The following C16orf96 variants were observed in gnomAD, a reference collection of about 807,000 sequenced individuals.
The protein encoded by C16orf96 is chromosome 16 open reading frame 96.
A neutral mutation model predicts 103.6 loss-of-function variants in C16orf96; 108 were observed. That is an observed-to-expected ratio of 1.04 (90% confidence interval 0.89 to 1.22). The LOEUF (loss-of-function observed/expected upper bound fraction) is 1.22. Ranked by LOEUF, C16orf96 falls within the 50% of genes most tolerant of loss-of-function variation. C16orf96 has a pLI of 0.00. For synonymous variants in C16orf96, 566 were observed against 593.5 expected, an observed-to-expected ratio of 0.95 and a Z score of 0.67; for missense variants, 1,586 against 1,464.2, an observed-to-expected ratio of 1.08 and a Z score of -1.36.
chr16:4,581,141 CATATATATATATATAT>C (rs58065868), intron 7 of C16orf96, among the ~76,000 whole-genome samples: 4,283 of 46,756 alleles, frequency 0.092, 419 homozygotes, highest in African/African-American at 0.23. Flanking sequence ...TATATGTATA[CATATATATATATATAT>C]ATATATATAT....
intron 3 of C16orf96, 82 bp downstream of exon 3, chr16:4,574,871 G>A: frequency 2.0e-6 from 3 of 1,523,326 alleles, no homozygotes; most frequent in Non-Finnish European, 1.8e-6. Context: ...GGGTAGGGAG[G>A]TGCAAGGAGG....
At chr16:4,542,226 G>A in the C16orf96 span, among the ~76,000 whole-genome samples, 68 of 152,290 alleles carry the variant, frequency 4.5e-4, no homozygotes, top group African/African-American at 1.4e-3. Flanking sequence ...TTAGCCAGCT[G>A]TGGTGGCTCA....
chr16:4,544,037 G>T, the C16orf96 span, among the ~76,000 whole-genome samples: 3 of 152,162 alleles, frequency 2.0e-5, no homozygotes, highest in African/African-American at 2.4e-5. Context: ...CTCTAGGATG[G>T]ATCCAGAGGA....
Position 4,574,739 on chromosome 16 carries a change from G to A in C16orf96, c.556G>A (p.Glu186Lys). ...VHPERMDIFA[E>K]DFKIQNWKMV... ...CCCAGAAAGAATGGACATCTTTGCT[G>A]AAGACTTCAAAATACAGAACTGGAA... is the stretch of plus-strand genomic sequence containing the variant. Residue 186 changes from glutamate to lysine, a missense_variant, in exon 3 of 16, where the codon GAA becomes AAA. Transcript: ENST00000444310. 1.9e-6 allele frequency: 3 copies of A among 1,551,872 alleles called. No homozygotes were observed. The highest frequency in any genetic ancestry group is 1.7e-4 in the Middle Eastern group (1 of 5,996).
intron 1 of C16orf96, chr16:4,563,241 A>C: frequency 4.1e-6 from 2 of 490,428 alleles, no homozygotes; most frequent in Non-Finnish European, 7.8e-6. Flanking sequence ...TCGTTCGCTC[A>C]TGACTGACTC....
intron 2 of C16orf96, among the ~76,000 whole-genome samples, chr16:4,573,694 G>A (rs2059465962): frequency 6.8e-6 from 1 of 146,634 alleles, no homozygotes; most frequent in Non-Finnish European, 1.5e-5. Flanking sequence ...GGAGCTTGCA[G>A]TGAGCCGAGA....
At position 4,574,756 on chromosome 16, in the gene C16orf96, G is replaced by A. The variant is rs1274184927; in HGVS notation, c.573G>A (p.Gln191=). The part of the protein sequence containing the change: ...MDIFAEDFKI[Q]NWKMVALQRE... Reference sequence around the variant, plus strand: ...TCTTTGCTGAAGACTTCAAAATACAGAACTGGAAGATGGTTGCACTGCAGC... The same window carrying A: ...TCTTTGCTGAAGACTTCAAAATACAAAACTGGAAGATGGTTGCACTGCAGC... The change falls in exon 3 of 16, where the codon CAG becomes CAA. Residue 191 remains glutamine, a synonymous_variant. Coordinates refer to ENST00000444310, the MANE Select transcript of C16orf96 (RefSeq NM_001145011.2). 4 of 1,551,866 alleles carry A rather than the reference G, an allele frequency of 2.6e-6. No individual in the cohort carries two copies. The East Asian group carries it at 9.8e-5, about 38-fold the overall frequency.
chr16:4,599,490 G>A (rs1167742242), intron 15 of C16orf96, 126 bp downstream of exon 15: 7 of 820,018 alleles, frequency 8.5e-6, no homozygotes, highest in Non-Finnish European at 1.4e-5. Flanking sequence ...CCTCCTGCCT[G>A]CTTTGCCTGC....
chr16:4,576,547 C>G lies in C16orf96; in HGVS notation c.2067C>G (p.His689Gln), dbSNP rs201341219. 1.9e-4 allele frequency: 293 copies of G among 1,551,064 alleles called. No homozygotes were observed. The highest frequency in any genetic ancestry group is 5.0e-4 in the Middle Eastern group (3 of 5,988). The change falls in exon 5 of 16, where the codon CAC becomes CAG. Residue 689 changes from histidine to glutamine, a missense_variant. Physicochemically the swap from His to Gln is conservative, Grantham distance 24. Transcript: ENST00000444310. The stretch of plus-strand genomic sequence containing the variant: ...GGGCTGTCAAGTATTCCATGAGCCA[C>G]ATAGCCCAGATACCTGTCAAACACG... ...KKRAVKYSMSHIAQIPVKHDS... is the reference protein window; with the variant it reads ...KKRAVKYSMSQIAQIPVKHDS...
chr16:4,541,719 C>T, the C16orf96 span, among the ~76,000 whole-genome samples: 6 of 152,258 alleles, frequency 3.9e-5, no homozygotes, highest in African/African-American at 1.4e-4. Flanking sequence ...GTCTAGCATT[C>T]CTCAGTGCAA....
the C16orf96 span, among the ~76,000 whole-genome samples, chr16:4,548,633 G>A: frequency 6.6e-6 from 1 of 152,182 alleles, no homozygotes; most frequent in Non-Finnish European, 1.5e-5. Context: ...AGCCCTCTGG[G>A]AGGCCAAGGC....
At chr16:4,539,690 A>C in the C16orf96 span, among the ~76,000 whole-genome samples, 3 of 152,262 alleles carry the variant, frequency 2.0e-5, no homozygotes, top group East Asian at 5.8e-4. Context: ...ATCTCAAAAA[A>C]AGAAAGAAAG....
At chr16:4,577,084 G>T (rs1181120621) in intron 5 of C16orf96, among the ~76,000 whole-genome samples, 1 of 151,942 alleles carries the variant, frequency 6.6e-6, no homozygotes, top group African/African-American at 2.4e-5. Context: ...CCAGCTACTC[G>T]GGAGGCTGTG....
At chr16:4,572,786 G>C (rs1366178336) in intron 2 of C16orf96, among the ~76,000 whole-genome samples, 1 of 152,116 alleles carries the variant, frequency 6.6e-6, no homozygotes, top group Non-Finnish European at 1.5e-5. Context: ...ATACATACAA[G>C]CTCCTTCTGT....
chr16:4,563,796 C>G (rs1450914080), intron 1 of C16orf96, among the ~76,000 whole-genome samples: 1 of 147,428 alleles, frequency 6.8e-6, no homozygotes. Flanking sequence ...CTTGAACTCC[C>G]GAGCTCAGGT....
Position 4,575,213 on chromosome 16 carries a change from G to C in C16orf96, c.733G>C (p.Glu245Gln), listed in dbSNP as rs1200272607. The C allele has an allele frequency of 3.2e-6, 5 of 1,547,344 alleles. No homozygotes were observed. Among genetic ancestry groups the C allele is most frequent in the African/African-American group, 1.4e-5 (1 of 73,050 alleles). The change falls in exon 5 of 16, where the codon GAG becomes CAG. Residue 245 changes from glutamate to glutamine, a missense_variant. By Grantham distance (29) the Glu-to-Gln change is conservative. Transcript: ENST00000444310. ...ACCACTGGACCTGTGGCAGTCTGTA[G>C]AGCAGCTCCCAGAGGCTGCCCTGGC... The part of the protein sequence containing the change: ...SSPLDLWQSV[E>Q]QLPEAALAQT...
intron 7 of C16orf96, among the ~76,000 whole-genome samples, chr16:4,584,065 C>A (rs1896856386): frequency 6.6e-6 from 1 of 152,092 alleles, no homozygotes; most frequent in Non-Finnish European, 1.5e-5. Context: ...AACAGTAAGT[C>A]TTAAGTCCGA....
At chr16:4,540,535 C>T in the C16orf96 span, among the ~76,000 whole-genome samples, 1 of 151,992 alleles carries the variant, frequency 6.6e-6, no homozygotes, top group Non-Finnish European at 1.5e-5. Context: ...GAGTTTGAGA[C>T]CAGCCTGGCC....
intron 9 of C16orf96, among the ~76,000 whole-genome samples, chr16:4,589,862 G>C (rs931798860): frequency 2.7e-5 from 4 of 150,720 alleles, no homozygotes; most frequent in Admixed American, 1.3e-4. Flanking sequence ...GGTGGCTCAC[G>C]CCTGTAATCC....
Sources: allele counts gnomAD v4.1 joint callset (sites outside exome capture counted in the v4.1 genomes callset), GRCh38; gene constraint gnomAD v4.1.1; transcripts MANE v1.5; gene names NCBI Gene and HGNC (gene_info 2026-07-23, HGNC 2026-07-21).